The following TSNAX variants were observed in gnomAD, a reference collection of about 807,000 sequenced individuals.
The protein encoded by TSNAX is translin associated factor X.
TSNAX carries 12 observed loss-of-function variants against 33.0 expected under a neutral mutation model. The ratio of observed to expected loss-of-function variants is 0.36; its 90% CI spans 0.23 to 0.59. The LOEUF is 0.59. Ranked by LOEUF, TSNAX falls within the 20% of genes least tolerant of loss-of-function variation. The pLI, the probability that TSNAX is intolerant of heterozygous loss-of-function variation, is 0.74. For missense variants in TSNAX, 267 were observed against 341.3 expected (o/e 0.78, Z 1.72); for synonymous variants, 110 against 117.2 (o/e 0.94, Z 0.40).
At position 231,538,364 on chromosome 1, in the gene TSNAX, G is replaced by T. The variant is rs1659329046; in HGVS notation, c.236+1037G>T. 1.3e-5 allele frequency among the ~76,000 whole-genome samples: 2 copies of T among 152,178 alleles called. 1 individual carries two copies. Among genetic ancestry groups the T allele is most frequent in the African/African-American group, 4.8e-5 (2 of 41,516 alleles). ...GTAATCATATTATTCATACAGTTTT[G>T]ACTAGTAAACTGAGAAAATAGCAGA... On this transcript the variant is annotated intron_variant, in intron 3 of 5. Transcript: ENST00000366639.
At chr1:231,539,689 A>C (rs1043265626) in intron 3 of TSNAX, among the ~76,000 whole-genome samples, 3 of 152,224 alleles carry the variant, frequency 2.0e-5, no homozygotes, top group Non-Finnish European at 4.4e-5. Context: ...AATGAGACAA[A>C]TCAGTCTGTA....
At chr1:231,537,403 A>G in intron 3 of TSNAX, 76 bp downstream of exon 3, 1 of 992,214 alleles carries the variant, frequency 1.0e-6, no homozygotes, top group East Asian at 2.6e-5. Context: ...TGAGGATTAG[A>G]AGACATCAGC....
intron 4 of TSNAX, 78 bp downstream of exon 4, chr1:231,542,689 T>C: frequency 7.0e-7 from 1 of 1,438,066 alleles, no homozygotes; most frequent in East Asian, 2.3e-5. Context: ...TGCATGAATT[T>C]TAAGTGACAC....
At chr1:231,540,001 A>G (rs1207237986) in intron 3 of TSNAX, among the ~76,000 whole-genome samples, 3 of 152,098 alleles carry the variant, frequency 2.0e-5, no homozygotes, top group East Asian at 1.9e-4. Context: ...CCTGGCCAAC[A>G]TGGCGAAACC....
At chr1:231,540,909 A>T (rs961364755) in intron 3 of TSNAX, among the ~76,000 whole-genome samples, 2 of 152,174 alleles carry the variant, frequency 1.3e-5, no homozygotes, top group African/African-American at 4.8e-5. Context: ...CCAAAGTTTG[A>T]TGTTAATATA....
At chr1:231,550,179 G>T (rs558712011) in intron 4 of TSNAX, among the ~76,000 whole-genome samples, 1 of 152,316 alleles carries the variant, frequency 6.6e-6, no homozygotes, top group Non-Finnish European at 1.5e-5. Flanking sequence ...GGTACTAGAG[G>T]TTAGGGCTTC....
chr1:231,558,415 G>A (rs1349142629), intron 4 of TSNAX, among the ~76,000 whole-genome samples: 1 of 152,124 alleles, frequency 6.6e-6, no homozygotes, highest in Admixed American at 6.5e-5. Flanking sequence ...ATTGCCAGCT[G>A]GCATAGGAGA....
At chr1:231,534,627 A>T (rs995396470) in intron 2 of TSNAX, 2 of 152,202 alleles carry the variant, frequency 1.3e-5, no homozygotes, top group African/African-American at 4.8e-5. Context: ...ACATTATTCC[A>T]TGTTAGGGGC....
intron 5 of TSNAX, among the ~76,000 whole-genome samples, chr1:231,564,214 C>T (rs12092643): frequency 2.0e-5 from 3 of 152,086 alleles, no homozygotes; most frequent in Admixed American, 6.5e-5. Flanking sequence ...GTTATTAAGC[C>T]TTGTTCAAGA....
At chr1:231,539,491 T>G (rs1355797940) in intron 3 of TSNAX, among the ~76,000 whole-genome samples, 1 of 152,174 alleles carries the variant, frequency 6.6e-6, no homozygotes, top group East Asian at 1.9e-4. Context: ...TTTCGGATTT[T>G]CAGATTAGGG....
At position 231,528,839 on chromosome 1, in the gene TSNAX, A is replaced by G. The variant is rs1383033973; in HGVS notation, c.16+13A>G. ...AGCAACAAAGAAGGTGGCGTCCTTA[A>G]CAACACGGGGCGTTATTTATCCGGA... On this transcript the variant is annotated intron_variant, in intron 1 of 5. Transcript: ENST00000366639. 1.2e-6 allele frequency: 2 copies of G among 1,614,050 alleles called. No homozygotes were observed. Among genetic ancestry groups the G allele is most frequent in the African/African-American group, 2.7e-5 (2 of 74,906 alleles).
chr1:231,548,809 G>A (rs1054897393), intron 4 of TSNAX, among the ~76,000 whole-genome samples: 2 of 152,188 alleles, frequency 1.3e-5, no homozygotes, highest in African/African-American at 4.8e-5. Flanking sequence ...GGAGTCATGA[G>A]CTTATAAATT....
At chr1:231,560,614 C>T (rs547172457) in intron 4 of TSNAX, among the ~76,000 whole-genome samples, 161 of 151,692 alleles carry the variant, frequency 1.1e-3, no homozygotes, top group African/African-American at 3.7e-3. Context: ...GATGGGGTTT[C>T]GCCATGTTGG....
intron 4 of TSNAX, among the ~76,000 whole-genome samples, chr1:231,548,613 G>A (rs538023979): frequency 3.9e-5 from 6 of 152,214 alleles, no homozygotes; most frequent in Non-Finnish European, 8.8e-5. Flanking sequence ...GTCTAGGGAT[G>A]CCTTTAGGTT....
chr1:231,537,758 A>AC (rs1659276471), intron 3 of TSNAX, among the ~76,000 whole-genome samples: 1 of 150,884 alleles, frequency 6.6e-6, no homozygotes, highest in African/African-American at 2.4e-5. Context: ...AAAAAAAAAA[A>AC]GGAAAAGTCT....
intron 4 of TSNAX, among the ~76,000 whole-genome samples, chr1:231,547,841 CTTTTTTTTTTTTT>C (rs35520639): frequency 8.1e-6 from 1 of 123,914 alleles, no homozygotes; most frequent in Non-Finnish European, 1.7e-5. Context: ...CCATTGCTTT[CTTTTTTTTTTTTT>C]TTTTTTGAGA....
intron 2 of TSNAX, chr1:231,536,456 C>A (rs1034326869): frequency 6.6e-5 from 10 of 152,214 alleles, no homozygotes; most frequent in Admixed American, 5.2e-4. Flanking sequence ...GTGGCACTCA[C>A]TTTTAAGAAG....
At position 231,565,786 on chromosome 1, in the gene TSNAX, A is replaced by G. The variant is rs1270498380; in HGVS notation, c.*881A>G. On this transcript the variant is annotated 3_prime_UTR_variant, in exon 6 of 6. Coordinates refer to ENST00000366639, the MANE Select transcript of TSNAX (RefSeq NM_005999.3). ...TAAAGTATTATAGTGAAAAATTCGCATTCTGGCTGATTTTAAGCCATTTAA... is the reference window on the plus strand; with the variant it reads ...TAAAGTATTATAGTGAAAAATTCGCGTTCTGGCTGATTTTAAGCCATTTAA... 1 of 152,190 alleles carries G rather than the reference A, an allele frequency of 6.6e-6. No homozygotes were observed. The highest frequency in any genetic ancestry group is 1.5e-5 in the Non-Finnish European group (1 of 68,018). The allele number at this position is 152,190 out of a possible 1,614,324, so 9.4% of individuals were successfully genotyped here.
intron 4 of TSNAX, among the ~76,000 whole-genome samples, chr1:231,560,259 G>A (rs1408051785): frequency 5.3e-5 from 8 of 151,920 alleles, no homozygotes; most frequent in Admixed American, 3.3e-4. Context: ...GATTACAGGC[G>A]TGAGCCATCG....
Sources: allele counts gnomAD v4.1 joint callset (sites outside exome capture counted in the v4.1 genomes callset), GRCh38; gene constraint gnomAD v4.1.1; transcripts MANE v1.5; gene names NCBI Gene and HGNC (gene_info 2026-07-23, HGNC 2026-07-21).